HTR2C: variants seen among roughly 807,000 people sequenced by gnomAD.
HTR2C encodes the protein 5-hydroxytryptamine receptor 2C.
In HTR2C, 5 loss-of-function variants were observed where a neutral mutation model predicts 21.0. That is an observed-to-expected ratio of 0.24 (90% CI 0.12 to 0.50). The LOEUF is 0.50. Ranked by LOEUF, HTR2C falls within the 20% of genes least tolerant of loss-of-function variation. The probability of loss-of-function intolerance (pLI) is 0.98; values close to 1 mark genes in which losing one functional copy is unlikely to be tolerated. For synonymous variants in HTR2C, 150 were observed against 145.3 expected (o/e 1.03, Z -0.23); for missense variants, 271 against 371.2 (o/e 0.73, Z 2.22).
At chrX:114,728,151 A>T (rs782739245) in intron 3 of HTR2C, among the ~76,000 whole-genome samples, 6 of 112,427 alleles carry the variant, frequency 5.3e-5, no homozygotes, top group Non-Finnish European at 9.4e-5. Context: ...AAAACTCAGT[A>T]GATTTTAAAT....
At chrX:114,623,813 G>T (rs957286916) in intron 2 of HTR2C, among the ~76,000 whole-genome samples, 22 of 108,394 alleles carry the variant, frequency 2.0e-4, no homozygotes, top group Non-Finnish European at 9.5e-5. Context: ...TATACTGTTT[G>T]TGTATTTAGC....
chrX:114,739,694 A>G (rs1430534813), intron 4 of HTR2C, among the ~76,000 whole-genome samples: 7 of 112,243 alleles, frequency 6.2e-5, no homozygotes, highest in Non-Finnish European at 1.3e-4. Flanking sequence ...GTTGCAAAAT[A>G]TATTGCAAAG....
chrX:114,715,758 CCAAT>C (rs1350095026), intron 2 of HTR2C, among the ~76,000 whole-genome samples: 3 of 111,860 alleles, frequency 2.7e-5, no homozygotes, highest in African/African-American at 9.7e-5. Context: ...TGTATTTACC[CCAAT>C]CACTCTTTAT....
chrX:114,589,159 T>C (rs182545088), intron 1 of HTR2C, among the ~76,000 whole-genome samples: 205 of 112,263 alleles, frequency 1.8e-3, no homozygotes, highest in Middle Eastern at 4.6e-3. Context: ...AATTTGCATG[T>C]AAATGTGAGG....
At chrX:114,647,847 T>C (rs1930418700) in intron 2 of HTR2C, among the ~76,000 whole-genome samples, 1 of 111,565 alleles carries the variant, frequency 9.0e-6, no homozygotes, top group African/African-American at 3.3e-5. Flanking sequence ...GGACATAGCA[T>C]GTGCCAAAAC....
intron 1 of HTR2C, among the ~76,000 whole-genome samples, chrX:114,596,506 A>G (rs1230140989): frequency 1.8e-5 from 2 of 111,843 alleles, no homozygotes; most frequent in Non-Finnish European, 3.8e-5. Context: ...CTGGACAAAC[A>G]TTCATCTAGA....
chrX:114,838,187 A>G (rs1385342346), intron 4 of HTR2C, among the ~76,000 whole-genome samples: 4 of 111,774 alleles, frequency 3.6e-5, no homozygotes, highest in South Asian at 3.7e-4. Context: ...CTTTGAATCT[A>G]TAATAATGAA....
At chrX:114,693,363 T>C (rs782473941) in intron 2 of HTR2C, among the ~76,000 whole-genome samples, 11 of 111,388 alleles carry the variant, frequency 9.9e-5, no homozygotes, top group Non-Finnish European at 2.1e-4. Context: ...GTGTAGAACA[T>C]CCCAGGACTT....
At chrX:114,729,191 T>G (rs2069512457) in intron 3 of HTR2C, among the ~76,000 whole-genome samples, 1 of 112,197 alleles carries the variant, frequency 8.9e-6, no homozygotes, top group Admixed American at 9.5e-5. Context: ...AATCAAGACT[T>G]AAATTATCCT....
At chrX:114,771,301 T>C (rs1480266434) in intron 4 of HTR2C, among the ~76,000 whole-genome samples, 1 of 112,064 alleles carries the variant, frequency 8.9e-6, no homozygotes, top group African/African-American at 3.3e-5. Context: ...TTGCAATATG[T>C]GGCTGCTATT....
At chrX:114,615,666 C>T (rs1928920504) in intron 2 of HTR2C, among the ~76,000 whole-genome samples, 1 of 111,675 alleles carries the variant, frequency 9.0e-6, no homozygotes, top group South Asian at 3.7e-4. Context: ...TGAAGTTCGC[C>T]AATTTCATCT....
chrX:114,823,220 G>C (rs959143236), intron 4 of HTR2C, among the ~76,000 whole-genome samples: 4 of 111,417 alleles, frequency 3.6e-5, no homozygotes, highest in African/African-American at 9.8e-5. Context: ...TTATTTAATT[G>C]GTGGGAAATG....
In HTR2C at chrX:114,622,746, T is replaced by C. The variant is rs944659993; in HGVS notation, c.-80+8865T>C. On this transcript the variant is annotated intron_variant, in intron 2 of 5. Transcript: ENST00000276198. ...TCTGCCAGTAGATGTGGCTTACCTATAACCCCTGGTAAAAAGTGGGAAGCA... is the reference window on the plus strand; with the variant it reads ...TCTGCCAGTAGATGTGGCTTACCTACAACCCCTGGTAAAAAGTGGGAAGCA... Among the ~76,000 whole-genome samples the C allele has an allele frequency of 2.7e-5, 3 of 112,033 alleles. No homozygotes were observed. In the South Asian group the frequency reaches 1.1e-3, roughly 42 times the overall value.
intron 2 of HTR2C, among the ~76,000 whole-genome samples, chrX:114,622,984 A>G (rs1221613358): frequency 8.9e-6 from 1 of 111,853 alleles, no homozygotes; most frequent in African/African-American, 3.3e-5. Flanking sequence ...TAGAAAGGGT[A>G]GCAAATATAG....
At chrX:114,834,481 T>C (rs2070761307) in intron 4 of HTR2C, among the ~76,000 whole-genome samples, 1 of 110,910 alleles carries the variant, frequency 9.0e-6, no homozygotes, top group South Asian at 3.8e-4. Context: ...CTTCTGATCT[T>C]TGTTGATTTA....
At chrX:114,705,019 C>A (rs1316823030) in intron 2 of HTR2C, among the ~76,000 whole-genome samples, 3 of 106,884 alleles carry the variant, frequency 2.8e-5, no homozygotes, top group African/African-American at 1.0e-4. Context: ...AGGACCTCTT[C>A]AAGGAGAACT....
At chrX:114,755,094 G>A (rs1184575085) in intron 4 of HTR2C, among the ~76,000 whole-genome samples, 1 of 110,521 alleles carries the variant, frequency 9.0e-6, no homozygotes, top group Non-Finnish European at 1.9e-5. Flanking sequence ...ACAAAAATCA[G>A]CCAGGTGTGG....
chrX:114,639,657 T>G (rs1400276875), intron 2 of HTR2C: 3 of 113,086 alleles, frequency 2.7e-5, no homozygotes, highest in Non-Finnish European at 5.6e-5. Flanking sequence ...GATTTTGAAA[T>G]GCAAGCTACT....
chrX:114,606,870 G>C (rs782296119), intron 1 of HTR2C, among the ~76,000 whole-genome samples: 1 of 111,070 alleles, frequency 9.0e-6, no homozygotes, highest in East Asian at 2.8e-4. Flanking sequence ...CTGGGTGCAA[G>C]TGGGCTGAGT....
Sources: gnomAD v4.1 joint callset for allele counts (sites outside exome capture counted in the v4.1 genomes callset) on GRCh38, gnomAD v4.1.1 for gene constraint, MANE v1.5 for transcripts, NCBI Gene and HGNC (gene_info 2026-07-23, HGNC 2026-07-21) for gene names.